Variants in LUZP2 observed in about 807,000 individuals in gnomAD.
The protein encoded by LUZP2 is leucine zipper protein 2.
Under a neutral mutation model 51.6 loss-of-function variants are expected in LUZP2, and 52 were observed. The observed-to-expected ratio is 1.01, with a 90% CI of 0.81 to 1.27. The LOEUF is 1.27. LUZP2 is among the 50% of genes most tolerant of loss of function. The pLI is 0.00. For synonymous variants in LUZP2, 154 were observed against 137.3 expected (o/e 1.12, Z -0.85); for missense variants, 436 against 395.4 (o/e 1.10, Z -0.87).
intron 1 of LUZP2, among the ~76,000 whole-genome samples, chr11:24,666,933 T>C (rs1326273803): frequency 3.9e-5 from 6 of 152,212 alleles, no homozygotes; most frequent in Non-Finnish European, 8.8e-5. Context: ...TTTTTATTTT[T>C]CTCGTCTCTC....
chr11:24,961,274 A>G (rs1229177125), intron 7 of LUZP2, among the ~76,000 whole-genome samples: 1 of 152,200 alleles, frequency 6.6e-6, no homozygotes, highest in African/African-American at 2.4e-5. Context: ...CGCTTGGTGC[A>G]GAGCTGAGTT....
intron 10 of LUZP2, among the ~76,000 whole-genome samples, chr11:25,058,707 T>C (rs79736101): frequency 0.052 from 7,985 of 152,258 alleles, 619 homozygotes; most frequent in African/African-American, 0.17. Flanking sequence ...CAGAGGCACC[T>C]GCTTGGGGGA....
intron 5 of LUZP2, among the ~76,000 whole-genome samples, chr11:24,804,709 C>A (rs537233284): frequency 1.3e-5 from 2 of 152,230 alleles, no homozygotes; most frequent in South Asian, 2.1e-4. Context: ...TCAGAAAATT[C>A]TTTTATTGCC....
At position 24,740,347 on chromosome 11, in the gene LUZP2, C is replaced by A. The variant is rs189534213; in HGVS notation, c.333+2045C>A. On this transcript the variant is annotated intron_variant, in intron 4 of 11. Transcript: ENST00000336930. The stretch of plus-strand genomic sequence containing the variant: ...CCAAAGTTAGAATATCCAAGTATGA[C>A]AAATGTCATGGACAAATAATGTAGA... Among the ~76,000 whole-genome samples the A allele has an allele frequency of 2.5e-3, 387 of 152,238 alleles. 3 individuals carry two copies. Among genetic ancestry groups the A allele is most frequent in the African/African-American group, 8.6e-3 (358 of 41,548 alleles).
intron 1 of LUZP2, among the ~76,000 whole-genome samples, chr11:24,504,170 A>G (rs1850083356): frequency 6.6e-6 from 1 of 152,180 alleles, no homozygotes; most frequent in Non-Finnish European, 1.5e-5. Context: ...CATTGAAAGT[A>G]TTTCCTGTAA....
chr11:25,037,459 G>A (rs886675840), intron 9 of LUZP2, among the ~76,000 whole-genome samples: 1 of 152,036 alleles, frequency 6.6e-6, no homozygotes, highest in African/African-American at 2.4e-5. Context: ...TTACATTCAA[G>A]GTTAATACTG....
rs188886231 is a variant in LUZP2, at chr11:25,080,583, A to G, written c.*1925A>G. The G allele has an allele frequency of 6.6e-6, 1 of 152,186 alleles. No individual in the cohort carries two copies. Among genetic ancestry groups the G allele is most frequent in the African/African-American group, 2.4e-5 (1 of 41,434 alleles). 9.4% of individuals were successfully genotyped at this position (152,186 alleles called of 1,614,324 possible). ...GTCTGAGGTTTCTTCTGACTCCTTCATATTTCTAAAAATAATCATACAAAC... is the reference window on the plus strand; with the variant it reads ...GTCTGAGGTTTCTTCTGACTCCTTCGTATTTCTAAAAATAATCATACAAAC... On this transcript the variant is annotated 3_prime_UTR_variant, in exon 12 of 12. Transcript: ENST00000336930.
chr11:24,742,019 TATA>T, intron 4 of LUZP2, among the ~76,000 whole-genome samples: 2 of 123,474 alleles, frequency 1.6e-5, no homozygotes, highest in African/African-American at 8.0e-5. Context: ...TAAATATAAT[TATA>T]TATTTTATAT....
intron 5 of LUZP2, among the ~76,000 whole-genome samples, chr11:24,872,160 G>A (rs1222516178): frequency 6.6e-6 from 1 of 152,000 alleles, no homozygotes; most frequent in African/African-American, 2.4e-5. Flanking sequence ...TCTACATTGG[G>A]CTATCAATTT....
intron 4 of LUZP2, among the ~76,000 whole-genome samples, chr11:24,762,180 C>A (rs1055982975): frequency 6.6e-6 from 1 of 152,036 alleles, no homozygotes; most frequent in Non-Finnish European, 1.5e-5. Context: ...AACCTTCTTC[C>A]TAAATTTAGC....
At position 25,079,654 on chromosome 11, in the gene LUZP2, A is replaced by C. The variant is rs1299253040; in HGVS notation, c.*996A>C. On this transcript the variant is annotated 3_prime_UTR_variant, in exon 12 of 12. Transcript: ENST00000336930. ...ACTAATCAAAAAAATGCACTCATGA[A>C]TAATTGGAAGATAGCTCACAAGCAA... is the stretch of plus-strand genomic sequence containing the variant. 1 of 152,188 alleles carries C rather than the reference A, an allele frequency of 6.6e-6. No homozygotes were observed. The highest frequency in any genetic ancestry group is 6.5e-5 in the Admixed American group (1 of 15,284). The allele number at this position is 152,188 out of a possible 1,614,324, so 9.4% of individuals were successfully genotyped here. A position where few individuals can be genotyped will look rare whatever the true frequency, so the allele number is the denominator to read the frequency against.
At chr11:24,630,577 TTTAGGTTAC>T in intron 1 of LUZP2, among the ~76,000 whole-genome samples, 1 of 152,168 alleles carries the variant, frequency 6.6e-6, no homozygotes, top group East Asian at 1.9e-4. Context: ...TATCATACTG[TTTAGGTTAC>T]TATAGCCTTG....
In LUZP2 at chr11:24,789,567, C is replaced by T. The variant is rs561958647; in HGVS notation, c.396+26259C>T. Reference sequence around the variant, plus strand: ...TTTTACATGCTTCTAGCCACATCTACCAATCTATCAGCATTGCTACCTGTC... The same window carrying T: ...TTTTACATGCTTCTAGCCACATCTATCAATCTATCAGCATTGCTACCTGTC... On this transcript the variant is annotated intron_variant, in intron 5 of 11. Coordinates refer to ENST00000336930, the MANE Select transcript of LUZP2 (RefSeq NM_001009909.4). Among the ~76,000 whole-genome samples the T allele has an allele frequency of 2.3e-3, 352 of 152,284 alleles. 3 individuals carry two copies. Among genetic ancestry groups the T allele is most frequent in the African/African-American group, 8.2e-3 (339 of 41,552 alleles).
intron 9 of LUZP2, among the ~76,000 whole-genome samples, chr11:25,001,354 C>T (rs977063744): frequency 2.0e-5 from 3 of 152,260 alleles, no homozygotes; most frequent in Admixed American, 2.0e-4. Flanking sequence ...TACTGAATAC[C>T]TATTACGTCT....
At chr11:24,620,736 T>C (rs1358642104) in intron 1 of LUZP2, among the ~76,000 whole-genome samples, 1 of 152,154 alleles carries the variant, frequency 6.6e-6, no homozygotes, top group African/African-American at 2.4e-5. Flanking sequence ...TGCTCCAGAA[T>C]GGACATATGC....
intron 1 of LUZP2, among the ~76,000 whole-genome samples, chr11:24,534,633 C>T (rs797015963): frequency 3.3e-5 from 5 of 151,360 alleles, no homozygotes; most frequent in African/African-American, 9.7e-5. Context: ...GAATATGTTT[C>T]TAAACTTTCT....
At chr11:24,909,149 A>T (rs554346478) in intron 6 of LUZP2, among the ~76,000 whole-genome samples, 84 of 150,310 alleles carry the variant, frequency 5.6e-4, no homozygotes, top group Middle Eastern at 6.9e-3. Flanking sequence ...ATTTTTTAAA[A>T]ATATATATAT....
intron 10 of LUZP2, among the ~76,000 whole-genome samples, chr11:25,071,961 G>T (rs937760321): frequency 6.6e-6 from 1 of 152,022 alleles, no homozygotes; most frequent in Non-Finnish European, 1.5e-5. Context: ...AATGATTCTT[G>T]TGCATCTAAA....
At chr11:24,930,109 T>A (rs907960513) in intron 7 of LUZP2, among the ~76,000 whole-genome samples, 5 of 152,146 alleles carry the variant, frequency 3.3e-5, no homozygotes, top group African/African-American at 1.2e-4. Flanking sequence ...TTACCTTAAG[T>A]TTATTTGAGT....
Sources: allele counts gnomAD v4.1 joint callset (sites outside exome capture counted in the v4.1 genomes callset), GRCh38; gene constraint gnomAD v4.1.1; transcripts MANE v1.5; gene names NCBI Gene and HGNC (gene_info 2026-07-23, HGNC 2026-07-21).